The following STRN variants were observed in gnomAD, a reference collection of about 807,000 sequenced individuals.
STRN encodes striatin.
A neutral mutation model predicts 96.3 loss-of-function variants in STRN; 53 were observed. The observed-to-expected ratio is 0.55, with a 90% CI of 0.44 to 0.69. STRN has a LOEUF of 0.69. Ranked by LOEUF, STRN falls within the 30% of genes least tolerant of loss-of-function variation. STRN has a pLI of 0.00. For missense variants in STRN, 987 were observed against 963.9 expected (o/e 1.02, Z -0.32); for synonymous variants, 428 against 355.9 (o/e 1.20, Z -2.28).
chr2:36,852,000 G>T (rs1406554826), intron 15 of STRN, among the ~76,000 whole-genome samples: 3 of 152,172 alleles, frequency 2.0e-5, no homozygotes, highest in Non-Finnish European at 4.4e-5. Flanking sequence ...AGACAGGCAA[G>T]CACATATCAT....
rs1053971554 is a variant in STRN, at chr2:36,848,877, C to T, written c.*579G>A. 1 of 152,686 alleles carries T rather than the reference C, an allele frequency of 6.5e-6. No homozygotes were observed. Among genetic ancestry groups the T allele is most frequent in the African/African-American group, 2.4e-5 (1 of 41,420 alleles). The allele number at this position is 152,686 out of a possible 1,614,324, so 9.5% of individuals were successfully genotyped here. A position where few individuals can be genotyped will look rare whatever the true frequency, so the allele number is the denominator to read the frequency against. ...AACATATTATTGCATTTTTCTCCCCCTAACAGGTAAAATGCTTTGCCAGGT... is the reference window on the plus strand; with the variant it reads ...AACATATTATTGCATTTTTCTCCCCTTAACAGGTAAAATGCTTTGCCAGGT... On this transcript the variant is annotated 3_prime_UTR_variant, in exon 18 of 18. Transcript: ENST00000263918.
At chr2:36,950,938 T>C (rs1244780724) in intron 1 of STRN, among the ~76,000 whole-genome samples, 1 of 152,160 alleles carries the variant, frequency 6.6e-6, no homozygotes, top group Non-Finnish European at 1.5e-5. Flanking sequence ...ATTATTTATT[T>C]TAAAAAGCAG....
chr2:36,940,099 T>G (rs1178299071), intron 1 of STRN, among the ~76,000 whole-genome samples: 2 of 152,230 alleles, frequency 1.3e-5, no homozygotes, highest in African/African-American at 4.8e-5. Flanking sequence ...TTAAAGTACT[T>G]TTTACATTCT....
chr2:36,855,103 A>C (rs966930770), intron 15 of STRN, 109 bp downstream of exon 15: 1 of 1,163,292 alleles, frequency 8.6e-7, no homozygotes, highest in Middle Eastern at 2.6e-4. Context: ...GAAAGTTAAG[A>C]GACAGAAAGC....
rs147853286 is a variant in STRN, at chr2:36,951,175, T to C, written c.234+15055A>G. Among the ~76,000 whole-genome samples, 786 of 152,222 alleles carry C rather than the reference T, an allele frequency of 5.2e-3. 13 individuals are homozygous for C. The highest frequency in any genetic ancestry group is 0.018 in the African/African-American group (753 of 41,544). On this transcript the variant is annotated intron_variant, in intron 1 of 17. Coordinates refer to ENST00000263918, the MANE Select transcript of STRN (RefSeq NM_003162.4). ...CAGGGCCCTACTGATAACAAAAACT[T>C]TTTAGGATGTTATGTCAAAGAGATT...
chr2:36,861,388 C>A (rs1388338140), intron 12 of STRN, 135 bp from the exon 13 acceptor site: 4 of 1,165,152 alleles, frequency 3.4e-6, no homozygotes, highest in Admixed American at 2.6e-5. Context: ...AACACAGGTA[C>A]TATCAAAGCA....
rs2148137161 is a variant in STRN, at chr2:36,861,040, A to C, written c.1669+92T>G. 12 of 1,470,242 alleles carry C rather than the reference A, an allele frequency of 8.2e-6. No homozygotes were observed. In the South Asian group the frequency reaches 1.7e-4, roughly 20 times the overall value. The allele number at this position is 1,470,242 out of a possible 1,614,324, so 91.1% of individuals were successfully genotyped here. On this transcript the variant is annotated intron_variant, in intron 13 of 17. Transcript: ENST00000263918. ...TGGTTCTCTTTACCTATTTATTTTCAAAAATCTCTTTATCTCTTCCTTTTA... is the reference window on the plus strand; with the variant it reads ...TGGTTCTCTTTACCTATTTATTTTCCAAAATCTCTTTATCTCTTCCTTTTA...
chr2:36,906,357 G>A (rs889351163), intron 3 of STRN, among the ~76,000 whole-genome samples: 12 of 152,002 alleles, frequency 7.9e-5, no homozygotes, highest in African/African-American at 2.7e-4. Flanking sequence ...TACTAGGGAG[G>A]CTTAGGTGGG....
intron 5 of STRN, among the ~76,000 whole-genome samples, chr2:36,900,175 G>A (rs1257925539): frequency 4.6e-5 from 7 of 152,112 alleles, no homozygotes; most frequent in African/African-American, 1.2e-4. Context: ...GATTATAGGC[G>A]TGAGCCACTC....
At chr2:36,894,285 C>T (rs896762192) in intron 6 of STRN, among the ~76,000 whole-genome samples, 9 of 152,134 alleles carry the variant, frequency 5.9e-5, no homozygotes, top group Non-Finnish European at 1.0e-4. Context: ...AAATATAAGA[C>T]ATGTACTGAA....
chr2:36,964,182 G>GGGA (rs1553408131), intron 1 of STRN, among the ~76,000 whole-genome samples: 1 of 133,124 alleles, frequency 7.5e-6, no homozygotes, highest in Non-Finnish European at 1.6e-5. Context: ...GAACGGGGCG[G>GGGA]GGCGGGGGGA....
Position 36,842,657 on chromosome 2 carries a change from G to A in STRN, c.*6799C>T, listed in dbSNP as rs1211612101. 2 of 152,130 alleles carry A rather than the reference G, an allele frequency of 1.3e-5. No individual in the cohort carries two copies. Among genetic ancestry groups the A allele is most frequent in the African/African-American group, 2.4e-5 (1 of 41,426 alleles). 9.4% of individuals were successfully genotyped at this position (152,130 alleles called of 1,614,324 possible). On this transcript the variant is annotated 3_prime_UTR_variant, in exon 18 of 18. Transcript: ENST00000263918. Reference sequence around the variant, plus strand: ...TTACCTTTAGTGAAATATCAATTAGGAATAAGGAAAGGGTTAGGTTTTGTA... The same window carrying A: ...TTACCTTTAGTGAAATATCAATTAGAAATAAGGAAAGGGTTAGGTTTTGTA...
chr2:36,922,363 T>C (rs1212407849), intron 2 of STRN, among the ~76,000 whole-genome samples: 1 of 151,728 alleles, frequency 6.6e-6, no homozygotes, highest in Non-Finnish European at 1.5e-5. Context: ...TCTAAAAAAT[T>C]AAAAATTTAT....
chr2:36,960,729 G>A (rs1346865170), intron 1 of STRN, among the ~76,000 whole-genome samples: 1 of 152,012 alleles, frequency 6.6e-6, no homozygotes, highest in Non-Finnish European at 1.5e-5. Flanking sequence ...TTAAACCCAG[G>A]TCTCTGCCAT....
At chr2:36,925,869 T>G (rs1177347326) in intron 1 of STRN, among the ~76,000 whole-genome samples, 1 of 152,230 alleles carries the variant, frequency 6.6e-6, no homozygotes, top group African/African-American at 2.4e-5. Flanking sequence ...CAACAGGATC[T>G]TTTTATAAAG....
chr2:36,916,340 C>G (rs1417870249), intron 2 of STRN, among the ~76,000 whole-genome samples, 189 bp from the exon 3 acceptor site: 1 of 152,036 alleles, frequency 6.6e-6, no homozygotes, highest in African/African-American at 2.4e-5. Flanking sequence ...TGTTGTTATA[C>G]CATCAAGTAT....
At chr2:36,859,981 A>G (rs1668435823) in intron 13 of STRN, among the ~76,000 whole-genome samples, 2 of 152,224 alleles carry the variant, frequency 1.3e-5, no homozygotes, top group Admixed American at 1.3e-4. Flanking sequence ...TGTTTTCTAG[A>G]CAATACCATC....
intron 1 of STRN, among the ~76,000 whole-genome samples, chr2:36,960,360 A>G (rs1465108946): frequency 6.6e-6 from 1 of 152,194 alleles, no homozygotes; most frequent in Non-Finnish European, 1.5e-5. Context: ...CACTCCCATT[A>G]AATATCTCTT....
rs993094169 is a variant in STRN at position 36,908,819 on chromosome 2, CAA to C, written c.413-3203_413-3202del. ...TGAAACTTCATCTCTACTAAAAATA[CAA>C]AAGTTAGTTGGAGGCTGGGTGCGGT... On this transcript the variant is annotated intron_variant, in intron 3 of 17. Coordinates refer to ENST00000263918, the MANE Select transcript of STRN (RefSeq NM_003162.4). 3.9e-5 allele frequency among the ~76,000 whole-genome samples: 6 copies of C among 152,074 alleles called. No individual in the cohort carries two copies. In the South Asian group the frequency reaches 6.2e-4, roughly 16 times the overall value.
Sources: gnomAD v4.1 joint callset for allele counts (sites outside exome capture counted in the v4.1 genomes callset) on GRCh38, gnomAD v4.1.1 for gene constraint, MANE v1.5 for transcripts, NCBI Gene and HGNC (gene_info 2026-07-23, HGNC 2026-07-21) for gene names.